Variants in CFAP57 observed in about 807,000 individuals in gnomAD.
CFAP57 encodes cilia and flagella associated protein 57.
Under a neutral mutation model 146.8 loss-of-function variants are expected in CFAP57, and 116 were observed. The observed-to-expected ratio is 0.79, with a 90% CI of 0.68 to 0.92. The LOEUF is 0.92. Among genes scored for constraint, CFAP57 ranks in the 40% least tolerant of loss-of-function variants. The pLI is 0.00. For missense variants in CFAP57, 1,377 were observed against 1,527.2 expected (o/e 0.90, Z 1.64); for synonymous variants, 518 against 552.8 (o/e 0.94, Z 0.88).
intron 9 of CFAP57, among the ~76,000 whole-genome samples, chr1:43,204,985 C>T (rs373253102): frequency 6.6e-6 from 1 of 152,080 alleles, no homozygotes; most frequent in South Asian, 2.1e-4. Flanking sequence ...TTGGTAGGCC[C>T]GTTGTGCCAG....
chr1:43,197,825 A>G (rs1643929200), intron 7 of CFAP57, 133 bp downstream of exon 7: 1 of 1,308,920 alleles, frequency 7.6e-7, no homozygotes. Flanking sequence ...TTAAAAAATC[A>G]AGTCAGTCAA....
At chr1:43,203,002 T>C in intron 9 of CFAP57, among the ~76,000 whole-genome samples, 1 of 151,576 alleles carries the variant, frequency 6.6e-6, no homozygotes, top group East Asian at 1.9e-4. Flanking sequence ...TGAAACTCCG[T>C]CTCTACTAAA....
chr1:43,235,188 T>C (rs1158779531), intron 21 of CFAP57, among the ~76,000 whole-genome samples: 1 of 152,140 alleles, frequency 6.6e-6, no homozygotes, highest in Non-Finnish European at 1.5e-5. Flanking sequence ...AGCCACAACG[T>C]CCCAGAGCTG....
chr1:43,226,540 C>G (rs1645249704), intron 17 of CFAP57, among the ~76,000 whole-genome samples: 1 of 152,196 alleles, frequency 6.6e-6, no homozygotes, highest in African/African-American at 2.4e-5. Flanking sequence ...GCTGCTTGGC[C>G]TTTTTTGGCC....
intron 5 of CFAP57, among the ~76,000 whole-genome samples, chr1:43,185,609 A>G (rs911017643): frequency 2.0e-5 from 3 of 147,160 alleles, no homozygotes; most frequent in Admixed American, 7.0e-5. Flanking sequence ...TGGGAGGCCA[A>G]GGTGGGTGGG....
At chr1:43,251,412 G>A (rs957582550) in intron 22 of CFAP57, among the ~76,000 whole-genome samples, 1 of 152,180 alleles carries the variant, frequency 6.6e-6, no homozygotes, top group African/African-American at 2.4e-5. Context: ...GCAGTGATCT[G>A]GTGAGTTTCA....
At chr1:43,199,625 G>A in intron 9 of CFAP57, 122 bp downstream of exon 9, 1 of 863,712 alleles carries the variant, frequency 1.2e-6, no homozygotes, top group Non-Finnish European at 1.9e-6. Flanking sequence ...CTGTCTACTT[G>A]GGGAAAGAGA....
At chr1:43,180,758 A>G (rs1198112336) in intron 2 of CFAP57, among the ~76,000 whole-genome samples, 1 of 152,100 alleles carries the variant, frequency 6.6e-6, no homozygotes, top group African/African-American at 2.4e-5. Context: ...AGGCTGAGGA[A>G]TCCAGTAGTT....
At chr1:43,189,529 A>G (rs1464686368) in intron 6 of CFAP57, among the ~76,000 whole-genome samples, 1 of 152,090 alleles carries the variant, frequency 6.6e-6, no homozygotes, top group Non-Finnish European at 1.5e-5. Context: ...TCCTAATTTC[A>G]TTTTTGGATT....
rs1490926150 is a variant in CFAP57, at chr1:43,179,753, CCA to C, written c.158-1778_158-1777del. Among the ~76,000 whole-genome samples the C allele has an allele frequency of 3.3e-5, 5 of 152,304 alleles. No individual in the cohort carries two copies. In the South Asian group the frequency reaches 8.3e-4, roughly 25 times the overall value. ...TGCTGGACCTCCGTACCCAACTGTT[CCA>C]CAGAGTGTACCTCACACACAATATA... On this transcript the variant is annotated intron_variant, in intron 2 of 22. Transcript: ENST00000372492.
intron 2 of CFAP57, among the ~76,000 whole-genome samples, 186 bp from the exon 3 acceptor site, chr1:43,181,348 A>G (rs886883214): frequency 6.6e-6 from 1 of 152,132 alleles, no homozygotes; most frequent in African/African-American, 2.4e-5. Context: ...CCGGGATTAC[A>G]GGCGTGAGCC....
chr1:43,209,108 T>C (rs1256433688), intron 10 of CFAP57, among the ~76,000 whole-genome samples: 1 of 152,228 alleles, frequency 6.6e-6, no homozygotes, highest in Non-Finnish European at 1.5e-5. Flanking sequence ...GTTATGTACG[T>C]ATAGGAGAAA....
At chr1:43,199,588 GA>G in intron 9 of CFAP57, 85 bp downstream of exon 9, 12 of 1,199,272 alleles carry the variant, frequency 1.0e-5, no homozygotes, top group Non-Finnish European at 1.5e-5. Flanking sequence ...GAACAAAAGA[GA>G]GATGGTTCCT....
chr1:43,172,945 G>A (rs1016384029), intron 2 of CFAP57, 35 bp downstream of exon 2: 2 of 1,592,164 alleles, frequency 1.3e-6, no homozygotes, highest in Admixed American at 1.7e-5. Context: ...ATACAGGAAT[G>A]GTATGTGCCA....
intron 8 of CFAP57, 42 bp from the exon 9 acceptor site, chr1:43,199,348 T>C: frequency 6.3e-7 from 1 of 1,587,396 alleles, no homozygotes; most frequent in East Asian, 2.2e-5. Flanking sequence ...ATTAGACTGC[T>C]CACTTCCTGC....
chr1:43,202,436 C>T (rs1344500207), intron 9 of CFAP57, among the ~76,000 whole-genome samples: 1 of 151,946 alleles, frequency 6.6e-6, no homozygotes, highest in Non-Finnish European at 1.5e-5. Context: ...TACCAACAAC[C>T]AATATGAGGA....
chr1:43,194,142 A>T (rs965259923), intron 6 of CFAP57, among the ~76,000 whole-genome samples: 1 of 152,058 alleles, frequency 6.6e-6, no homozygotes, highest in Non-Finnish European at 1.5e-5. Context: ...TCTGTAAGTC[A>T]TATCTGCTAG....
intron 18 of CFAP57, among the ~76,000 whole-genome samples, chr1:43,230,205 A>G (rs1246898896): frequency 6.6e-6 from 1 of 152,150 alleles, no homozygotes; most frequent in East Asian, 1.9e-4. Flanking sequence ...CTGGCCTGAG[A>G]TTTAGAGAAT....
chr1:43,172,946 G>A (rs764306257), intron 2 of CFAP57, 36 bp downstream of exon 2: 7 of 1,588,294 alleles, frequency 4.4e-6, no homozygotes, highest in Non-Finnish European at 6.0e-6. Flanking sequence ...TACAGGAATG[G>A]TATGTGCCAC....
Sources: allele counts gnomAD v4.1 joint callset (sites outside exome capture counted in the v4.1 genomes callset), GRCh38; gene constraint gnomAD v4.1.1; transcripts MANE v1.5; gene names NCBI Gene and HGNC (gene_info 2026-07-23, HGNC 2026-07-21).